CADPS2: variants seen among roughly 807,000 people sequenced by gnomAD.
CADPS2 encodes the protein calcium dependent secretion activator 2.
In CADPS2, 93 loss-of-function variants were observed where a neutral mutation model predicts 172.5. That is an observed-to-expected ratio of 0.54 (90% confidence interval 0.46 to 0.64). CADPS2 has a LOEUF of 0.64. Among genes scored for constraint, CADPS2 ranks in the 30% least tolerant of loss-of-function variants. The pLI is 0.00. For synonymous variants in CADPS2, 546 were observed against 555.2 expected (o/e 0.98, Z 0.23); for missense variants, 1,420 against 1,565.9 (o/e 0.91, Z 1.57).
intron 20 of CADPS2, among the ~76,000 whole-genome samples, chr7:122,399,812 G>A (rs549868464): frequency 0.032 from 4,781 of 149,860 alleles, 116 homozygotes; most frequent in Non-Finnish European, 0.052. Context: ...TCAGCCTCCC[G>A]AGTAGCTGGG....
intron 28 of CADPS2, among the ~76,000 whole-genome samples, chr7:122,333,303 T>A (rs942699928): frequency 2.0e-5 from 3 of 152,234 alleles, no homozygotes; most frequent in Non-Finnish European, 2.9e-5. Flanking sequence ...AGTCTTGAGA[T>A]GAAACTCATG....
In CADPS2 at chr7:122,601,822, GAGA is replaced by G. The variant is rs925366984; in HGVS notation, c.1223+13356_1223+13358del. On this transcript the variant is annotated intron_variant, in intron 6 of 29. Coordinates refer to ENST00000449022, the MANE Select transcript of CADPS2 (RefSeq NM_017954.11). ...TAGAAAATTTTCTTCAAATTTCAAA[GAGA>G]AGGAGAAACTACTGTGGACAATAGC... Among the ~76,000 whole-genome samples, 62 of 151,968 alleles carry G rather than the reference GAGA, an allele frequency of 4.1e-4. 1 individual carries two copies. Among genetic ancestry groups the G allele is most frequent in the Non-Finnish European group, 1.0e-4 (7 of 67,958 alleles).
intron 28 of CADPS2, among the ~76,000 whole-genome samples, chr7:122,340,488 C>T (rs1154609): frequency 0.64 from 97,009 of 152,046 alleles, 31,260 homozygotes; most frequent in Non-Finnish European, 0.67. Flanking sequence ...CAACTCTCAA[C>T]TGCCTCCACA....
intron 8 of CADPS2, among the ~76,000 whole-genome samples, chr7:122,520,830 C>T (rs1471181981): frequency 2.0e-5 from 3 of 152,078 alleles, no homozygotes; most frequent in African/African-American, 7.2e-5. Context: ...TTTATTTGCA[C>T]TCAGTCCATG....
At chr7:122,872,022 A>G (rs1458430555) in intron 1 of CADPS2, among the ~76,000 whole-genome samples, 1 of 152,066 alleles carries the variant, frequency 6.6e-6, no homozygotes, top group Admixed American at 6.6e-5. Context: ...TCTTGTGCCC[A>G]AATCTCTCCC....
chr7:122,602,127 C>T (rs2072876215), intron 6 of CADPS2, among the ~76,000 whole-genome samples: 1 of 151,630 alleles, frequency 6.6e-6, no homozygotes, highest in Non-Finnish European at 1.5e-5. Context: ...AGCAGGAGAA[C>T]CTGTAGCAGA....
chr7:122,748,487 G>C (rs1188694625), intron 1 of CADPS2, among the ~76,000 whole-genome samples: 1 of 152,142 alleles, frequency 6.6e-6, no homozygotes, highest in African/African-American at 2.4e-5. Flanking sequence ...AGACAACTGT[G>C]AGCCAGTGTA....
At chr7:122,487,461 G>T (rs574703581) in intron 11 of CADPS2, among the ~76,000 whole-genome samples, 1 of 152,078 alleles carries the variant, frequency 6.6e-6, no homozygotes, top group Non-Finnish European at 1.5e-5. Flanking sequence ...TAAGAAAATA[G>T]CCTAATTACA....
intron 2 of CADPS2, among the ~76,000 whole-genome samples, chr7:122,678,648 T>C (rs571991313): frequency 2.6e-5 from 4 of 152,084 alleles, no homozygotes; most frequent in African/African-American, 9.7e-5. Flanking sequence ...GTGGATTTAG[T>C]TGGTGGTCAA....
chr7:122,546,067 T>C (rs985782954), intron 8 of CADPS2, among the ~76,000 whole-genome samples: 2 of 152,170 alleles, frequency 1.3e-5, no homozygotes, highest in Non-Finnish European at 2.9e-5. Flanking sequence ...AGGATATAAA[T>C]GAATGCAGGA....
chr7:122,850,234 GC>G (rs927281382), intron 1 of CADPS2: 7 of 1,040,906 alleles, frequency 6.7e-6, no homozygotes, highest in Non-Finnish European at 7.7e-6. Context: ...GGACCCAGAG[GC>G]CCCCTGACCC....
intron 17 of CADPS2, among the ~76,000 whole-genome samples, chr7:122,433,147 CGT>C (rs112891927): frequency 2.0e-4 from 29 of 148,708 alleles, no homozygotes; most frequent in Non-Finnish European, 1.6e-4. Flanking sequence ...CTATTTGAGG[CGT>C]GTGTGTGTGT....
chr7:122,610,680 A>G (rs910853240), intron 6 of CADPS2, among the ~76,000 whole-genome samples: 1 of 152,118 alleles, frequency 6.6e-6, no homozygotes, highest in African/African-American at 2.4e-5. Flanking sequence ...CAATAGATGA[A>G]TTTTATTTTA....
chr7:122,720,756 C>T (rs760454187), intron 2 of CADPS2, among the ~76,000 whole-genome samples: 4 of 151,878 alleles, frequency 2.6e-5, no homozygotes, highest in Admixed American at 6.6e-5. Flanking sequence ...AGATTGAAAA[C>T]TGAATGTTCA....
chr7:122,432,898 C>T (rs1197380275), intron 17 of CADPS2, among the ~76,000 whole-genome samples: 1 of 151,732 alleles, frequency 6.6e-6, no homozygotes, highest in African/African-American at 2.4e-5. Context: ...AAAGCATCAC[C>T]CCACCAAGAA....
At chr7:122,629,474 G>T in intron 3 of CADPS2, 146 bp from the exon 4 acceptor site, 2 of 464,204 alleles carry the variant, frequency 4.3e-6, no homozygotes, top group East Asian at 7.0e-5. Context: ...ATTACAAAGA[G>T]AATACAGGAG....
intron 2 of CADPS2, among the ~76,000 whole-genome samples, chr7:122,690,991 GC>G (rs1415328507): frequency 5.9e-5 from 9 of 152,158 alleles, no homozygotes; most frequent in African/African-American, 1.4e-4. Context: ...TGTACCTCCG[GC>G]CCCATGGCCT....
chr7:122,587,705 A>T (rs2069982593), intron 6 of CADPS2, among the ~76,000 whole-genome samples: 1 of 152,056 alleles, frequency 6.6e-6, no homozygotes, highest in Non-Finnish European at 1.5e-5. Context: ...GTGTGCATGT[A>T]TCTTTGTAAC....
chr7:122,680,283 T>A (rs535266172), intron 2 of CADPS2, among the ~76,000 whole-genome samples: 1 of 152,248 alleles, frequency 6.6e-6, no homozygotes, highest in Non-Finnish European at 1.5e-5. Context: ...ATAATCTGTT[T>A]TATCTAAAAA....
Sources: allele counts gnomAD v4.1 joint callset (sites outside exome capture counted in the v4.1 genomes callset), GRCh38; gene constraint gnomAD v4.1.1; transcripts MANE v1.5; gene names NCBI Gene and HGNC (gene_info 2026-07-23, HGNC 2026-07-21).